The following MDGA2 variants were observed in gnomAD, a reference collection of about 807,000 sequenced individuals.
MDGA2 encodes MAM domain containing glycosylphosphatidylinositol anchor 2.
In MDGA2, 40 loss-of-function variants were observed where a neutral mutation model predicts 117.8. That is an observed-to-expected ratio of 0.34 (90% CI 0.26 to 0.44). MDGA2 has a LOEUF of 0.44. MDGA2 is among the 20% of genes least tolerant of loss of function. The pLI is 1.00. For synonymous variants in MDGA2, 452 were observed against 439.0 expected (o/e 1.03, Z -0.37); for missense variants, 1,123 against 1,250.6 (o/e 0.90, Z 1.54).
intron 9 of MDGA2, 154 bp from the exon 10 acceptor site, chr14:46,920,314 A>T: frequency 1.5e-6 from 1 of 684,918 alleles, no homozygotes; most frequent in African/African-American, 1.9e-5. Context: ...AACAGATGTG[A>T]GATTTCCTGG....
At chr14:47,048,174 T>G (rs929893068) in intron 7 of MDGA2, among the ~76,000 whole-genome samples, 1 of 152,056 alleles carries the variant, frequency 6.6e-6, no homozygotes, top group Admixed American at 6.6e-5. Context: ...GTCAGTGCTG[T>G]CCATTTTTAC....
intron 2 of MDGA2, among the ~76,000 whole-genome samples, chr14:47,282,816 C>T (rs1481476393): frequency 1.3e-5 from 2 of 151,820 alleles, no homozygotes; most frequent in East Asian, 3.9e-4. Context: ...GGTGTGGTGG[C>T]TTGTGCCTGT....
intron 3 of MDGA2, among the ~76,000 whole-genome samples, chr14:47,207,900 GATCA>G (rs1034059953): frequency 2.0e-5 from 3 of 151,932 alleles, no homozygotes; most frequent in African/African-American, 7.2e-5. Context: ...GTATTTCATG[GATCA>G]ATCACACCAG....
chr14:47,226,055 C>T (rs570980523), intron 2 of MDGA2, among the ~76,000 whole-genome samples: 263 of 151,530 alleles, frequency 1.7e-3, no homozygotes, highest in Non-Finnish European at 2.8e-3. Flanking sequence ...TTGGGGAGGC[C>T]GAGGCAGAAG....
intron 2 of MDGA2, among the ~76,000 whole-genome samples, chr14:47,281,744 A>G (rs1351319322): frequency 6.6e-6 from 1 of 152,124 alleles, no homozygotes; most frequent in Non-Finnish European, 1.5e-5. Flanking sequence ...GTATGTATTA[A>G]TTGAAATTCA....
rs67255552 is a variant in MDGA2, at chr14:47,370,468, G to GTTTTTTTTTTTTTTTTTTTTTTTT, written c.281-68942_281-68919dup. ...TTACTATTTTCTAGGTCTACTTACT[G>GTTTTTTTTTTTTTTTTTTTTTTTT]TTTTTTTTTTTTTTTTTTTTTTTTT... On this transcript the variant is annotated intron_variant, in intron 1 of 16. Coordinates refer to ENST00000399232, the MANE Select transcript of MDGA2 (RefSeq NM_001113498.3). 1.9e-4 allele frequency among the ~76,000 whole-genome samples: 4 copies of GTTTTTTTTTTTTTTTTTTTTTTTT among 20,684 alleles called. 2 individuals are homozygous for GTTTTTTTTTTTTTTTTTTTTTTTT. Among genetic ancestry groups the GTTTTTTTTTTTTTTTTTTTTTTTT allele is most frequent in the East Asian group, 5.0e-3 (2 of 398 alleles). The allele number at this position is 20,684 out of a possible 152,430, so 13.6% of individuals were successfully genotyped here.
At chr14:47,392,307 C>T (rs1891914298) in intron 1 of MDGA2, among the ~76,000 whole-genome samples, 1 of 151,960 alleles carries the variant, frequency 6.6e-6, no homozygotes, top group African/African-American at 2.4e-5. Flanking sequence ...GCAAATGTTC[C>T]AGCATTTAAA....
rs10623885 is a variant in MDGA2, at chr14:46,940,625, C to CAAAAA, written c.2089+16744_2089+16748dup. On this transcript the variant is annotated intron_variant, in intron 9 of 16. Coordinates refer to ENST00000399232, the MANE Select transcript of MDGA2 (RefSeq NM_001113498.3). ...CCTGGGTGACAGAGCGAGACTGTCT[C>CAAAAA]AAAAAAAAAAAAAAGTTGAACTTAA... Among the ~76,000 whole-genome samples the CAAAAA allele has an allele frequency of 1.5e-3, 205 of 139,628 alleles. 1 individual carries two copies. The highest frequency in any genetic ancestry group is 3.8e-3 in the Middle Eastern group (1 of 260). 91.6% of individuals were successfully genotyped at this position (139,628 alleles called of 152,430 possible).
At chr14:47,364,302 G>A (rs1891185134) in intron 1 of MDGA2, among the ~76,000 whole-genome samples, 1 of 152,014 alleles carries the variant, frequency 6.6e-6, no homozygotes, top group Admixed American at 6.6e-5. Flanking sequence ...TCTCCCTCTG[G>A]AGCACAGGCT....
At chr14:47,216,106 A>C (rs1289251199) in intron 3 of MDGA2, among the ~76,000 whole-genome samples, 1 of 152,148 alleles carries the variant, frequency 6.6e-6, no homozygotes, top group Non-Finnish European at 1.5e-5. Flanking sequence ...GCACAGCAAG[A>C]GATATGAGCA....
In MDGA2 at chr14:47,018,733, G is replaced by GAAAA. The variant is rs60442845; in HGVS notation, c.1819+16274_1819+16277dup. On this transcript the variant is annotated intron_variant, in intron 8 of 16. Transcript: ENST00000399232. ...ACTGTAAGGCTCAAGCCATTTTACT[G>GAAAA]AAAAAAAAAAAAAAAAAAAAAAAAA... 1.7e-3 allele frequency among the ~76,000 whole-genome samples: 64 copies of GAAAA among 38,650 alleles called. 7 individuals carry two copies. Among genetic ancestry groups the GAAAA allele is most frequent in the African/African-American group, 6.9e-3 (61 of 8,814 alleles). The allele number at this position is 38,650 out of a possible 152,430, so 25.4% of individuals were successfully genotyped here.
chr14:47,090,383 C>CA (rs11413326), intron 6 of MDGA2, among the ~76,000 whole-genome samples: 52,741 of 149,824 alleles, frequency 0.35, 9,336 homozygotes, highest in East Asian at 0.52. Flanking sequence ...ATCCTATCCA[C>CA]AAAAAAAAAA....
chr14:46,881,000 A>T (rs1329124200), intron 11 of MDGA2, among the ~76,000 whole-genome samples: 1 of 111,986 alleles, frequency 8.9e-6, no homozygotes, highest in Non-Finnish European at 1.8e-5. Context: ...TAAAAAGAAA[A>T]CTATCACTAA....
chr14:47,054,969 G>T (rs1029449462), intron 7 of MDGA2, among the ~76,000 whole-genome samples: 1 of 145,236 alleles, frequency 6.9e-6, no homozygotes, highest in African/African-American at 2.5e-5. Flanking sequence ...ATAAAATATT[G>T]CTTGTCCCCG....
At chr14:47,639,789 T>G (rs1897389334) in intron 1 of MDGA2, among the ~76,000 whole-genome samples, 1 of 152,162 alleles carries the variant, frequency 6.6e-6, no homozygotes, top group Non-Finnish European at 1.5e-5. Context: ...GTTAACACTG[T>G]ATAAGACTCC....
intron 7 of MDGA2, among the ~76,000 whole-genome samples, chr14:47,038,872 C>CT (rs1296688928): frequency 6.6e-6 from 1 of 151,444 alleles, no homozygotes; most frequent in Non-Finnish European, 1.5e-5. Flanking sequence ...ATTGTTTGAA[C>CT]TCAGGAGGTG....
chr14:46,853,404 C>T (rs1881140180), intron 15 of MDGA2, among the ~76,000 whole-genome samples: 1 of 151,530 alleles, frequency 6.6e-6, no homozygotes, highest in African/African-American at 2.4e-5. Context: ...TCCACAGATC[C>T]AAGAAATTCA....
At chr14:47,025,470 T>G (rs1434889604) in intron 8 of MDGA2, among the ~76,000 whole-genome samples, 1 of 152,152 alleles carries the variant, frequency 6.6e-6, no homozygotes, top group Non-Finnish European at 1.5e-5. Context: ...CTGAGGATTC[T>G]GCCAGAGTTC....
intron 3 of MDGA2, among the ~76,000 whole-genome samples, chr14:47,168,357 C>T (rs1883976908): frequency 6.8e-6 from 1 of 146,298 alleles, no homozygotes. Context: ...TTTTCAATAA[C>T]ATCTATATTC....
Sources: gnomAD v4.1 joint callset for allele counts (sites outside exome capture counted in the v4.1 genomes callset) on GRCh38, gnomAD v4.1.1 for gene constraint, MANE v1.5 for transcripts, NCBI Gene and HGNC (gene_info 2026-07-23, HGNC 2026-07-21) for gene names.